Variants in LRMDA observed in about 807,000 individuals in gnomAD.
The protein encoded by LRMDA is leucine-rich melanocyte differentiation-associated protein.
LRMDA carries 18 observed loss-of-function variants against 29.8 expected under a neutral mutation model. That is an observed-to-expected ratio of 0.60 (90% CI 0.42 to 0.90). LRMDA has a LOEUF of 0.90. LRMDA is among the 40% of genes least tolerant of loss of function. The probability of loss-of-function intolerance (pLI) is 0.00; values close to 1 mark genes in which losing one functional copy is unlikely to be tolerated. For missense variants in LRMDA, 273 were observed against 273.9 expected (o/e 1.00, Z 0.02); for synonymous variants, 125 against 109.4 (o/e 1.14, Z -0.89).
At chr10:75,980,888 A>G (rs1847156969) in intron 2 of LRMDA, among the ~76,000 whole-genome samples, 1 of 152,184 alleles carries the variant, frequency 6.6e-6, no homozygotes, top group Non-Finnish European at 1.5e-5. Flanking sequence ...AAACTAGTCA[A>G]TACTGCTTCT....
intron 2 of LRMDA, among the ~76,000 whole-genome samples, chr10:75,581,867 G>A (rs1840597634): frequency 6.6e-6 from 1 of 152,064 alleles, no homozygotes; most frequent in Admixed American, 6.5e-5. Flanking sequence ...AAACCACCAT[G>A]GCATGTGTAT....
chr10:75,900,778 C>T (rs376712325), intron 2 of LRMDA, among the ~76,000 whole-genome samples: 1 of 152,006 alleles, frequency 6.6e-6, no homozygotes, highest in Non-Finnish European at 1.5e-5. Flanking sequence ...CCATGCCCAC[C>T]CCCCCACCTT....
At chr10:75,865,395 A>T (rs1427094080) in intron 2 of LRMDA, among the ~76,000 whole-genome samples, 1 of 152,214 alleles carries the variant, frequency 6.6e-6, no homozygotes, top group African/African-American at 2.4e-5. Context: ...TGTGCATTTC[A>T]TTATGCAAGT....
chr10:76,342,243 T>A (rs1056484583), intron 6 of LRMDA, among the ~76,000 whole-genome samples: 3 of 152,122 alleles, frequency 2.0e-5, no homozygotes, highest in African/African-American at 2.4e-5. Flanking sequence ...AAGTCAGAGA[T>A]AACATATATG....
At chr10:75,945,156 T>C (rs1415586849) in intron 2 of LRMDA, among the ~76,000 whole-genome samples, 1 of 152,218 alleles carries the variant, frequency 6.6e-6, no homozygotes, top group Non-Finnish European at 1.5e-5. Flanking sequence ...TTAAAAAGCA[T>C]GCTGAGATTT....
chr10:75,547,967 A>T (rs1840098671), intron 2 of LRMDA, among the ~76,000 whole-genome samples: 1 of 152,176 alleles, frequency 6.6e-6, no homozygotes, highest in East Asian at 1.9e-4. Context: ...CAAATTACTC[A>T]CAAGAAGAGG....
chr10:75,765,765 C>T (rs1843155745), intron 2 of LRMDA, among the ~76,000 whole-genome samples: 1 of 151,790 alleles, frequency 6.6e-6, no homozygotes, highest in Non-Finnish European at 1.5e-5. Flanking sequence ...ACCTTCGCCT[C>T]TTCCCCCACC....
chr10:75,497,317 T>C (rs972203421), intron 2 of LRMDA, among the ~76,000 whole-genome samples: 1 of 152,176 alleles, frequency 6.6e-6, no homozygotes. Flanking sequence ...GATTCTTCCA[T>C]TGACATTTGT....
chr10:76,010,290 G>C (rs981956544), intron 2 of LRMDA, among the ~76,000 whole-genome samples: 1 of 151,604 alleles, frequency 6.6e-6, no homozygotes, highest in Non-Finnish European at 1.5e-5. Context: ...TGGTGTTTAG[G>C]GTACTCTTAA....
At chr10:76,139,389 T>A (rs2132147741) in intron 5 of LRMDA, among the ~76,000 whole-genome samples, 1 of 152,288 alleles carries the variant, frequency 6.6e-6, no homozygotes, top group African/African-American at 2.4e-5. Context: ...TTAGTAATTT[T>A]TTTTTCACAA....
Position 75,724,936 on chromosome 10 carries a change from A to G in LRMDA, c.131+286442A>G, listed in dbSNP as rs371841748. Among the ~76,000 whole-genome samples, 60 of 152,322 alleles carry G rather than the reference A, an allele frequency of 3.9e-4. No individual in the cohort carries two copies. In the East Asian group the frequency reaches 5.6e-3, roughly 14 times the overall value. Reference sequence around the variant, plus strand: ...GAATTATTTTACTGTTATCATCTCAAATATCGAATATGCACCTTGATTTTT... The same window carrying G: ...GAATTATTTTACTGTTATCATCTCAGATATCGAATATGCACCTTGATTTTT... On this transcript the variant is annotated intron_variant, in intron 2 of 6. Transcript: ENST00000611255.
At chr10:75,912,348 A>G (rs1845856452) in intron 2 of LRMDA, among the ~76,000 whole-genome samples, 1 of 152,216 alleles carries the variant, frequency 6.6e-6, no homozygotes, top group African/African-American at 2.4e-5. Flanking sequence ...GTTGCAGAGG[A>G]CATGCAAAGT....
chr10:75,964,466 G>A (rs139769089), intron 2 of LRMDA, among the ~76,000 whole-genome samples: 95 of 152,290 alleles, frequency 6.2e-4, no homozygotes, highest in Non-Finnish European at 1.1e-3. Context: ...CAATATGAGA[G>A]TGAATTTGAG....
At chr10:75,496,036 G>T (rs1845041584) in intron 2 of LRMDA, among the ~76,000 whole-genome samples, 1 of 152,214 alleles carries the variant, frequency 6.6e-6, no homozygotes, top group African/African-American at 2.4e-5. Flanking sequence ...CTGATGAGTT[G>T]TGCTACCTCT....
chr10:75,691,030 T>C (rs565798804), intron 2 of LRMDA, among the ~76,000 whole-genome samples: 1,062 of 103,364 alleles, frequency 0.01, 30 homozygotes, highest in African/African-American at 0.033. Context: ...CACACACACA[T>C]ATATATATTG....
chr10:76,474,228 A>G (rs1390784652), intron 6 of LRMDA, among the ~76,000 whole-genome samples: 1 of 151,722 alleles, frequency 6.6e-6, no homozygotes, highest in African/African-American at 2.4e-5. Context: ...AACTTAATAT[A>G]TTAGTAAATC....
At chr10:75,866,083 C>T (rs1845013676) in intron 2 of LRMDA, among the ~76,000 whole-genome samples, 1 of 152,192 alleles carries the variant, frequency 6.6e-6, no homozygotes, top group South Asian at 2.1e-4. Context: ...TTCTTCTCTT[C>T]TATTCAATTT....
chr10:75,820,075 A>G (rs1844130980), intron 2 of LRMDA, among the ~76,000 whole-genome samples: 1 of 152,232 alleles, frequency 6.6e-6, no homozygotes, highest in Non-Finnish European at 1.5e-5. Flanking sequence ...GGACATCAGT[A>G]ATCTACTGAC....
intron 5 of LRMDA, among the ~76,000 whole-genome samples, chr10:76,282,219 A>G (rs1840215150): frequency 1.3e-5 from 2 of 152,238 alleles, no homozygotes; most frequent in East Asian, 1.9e-4. Flanking sequence ...ATATTCAGTA[A>G]CTGGAAAATT....
Sources: allele counts gnomAD v4.1 joint callset (sites outside exome capture counted in the v4.1 genomes callset), GRCh38; gene constraint gnomAD v4.1.1; transcripts MANE v1.5; gene names NCBI Gene and HGNC (gene_info 2026-07-23, HGNC 2026-07-21).